The following LUZP2 variants were observed in gnomAD, a reference collection of about 807,000 sequenced individuals.
The protein encoded by LUZP2 is leucine zipper protein 2.
LUZP2 carries 52 observed loss-of-function variants against 51.6 expected under a neutral mutation model. The observed-to-expected ratio is 1.01, with a 90% CI of 0.81 to 1.27. The LOEUF is 1.27. Among genes scored for constraint, LUZP2 ranks in the 50% most tolerant of loss-of-function variants. LUZP2 has a pLI of 0.00. For missense variants in LUZP2, 436 were observed against 395.4 expected, an observed-to-expected ratio of 1.10 and a Z score of -0.87; for synonymous variants, 154 against 137.3, an observed-to-expected ratio of 1.12 and a Z score of -0.85.
intron 9 of LUZP2, among the ~76,000 whole-genome samples, chr11:24,989,873 T>A (rs1856286929): frequency 6.6e-6 from 1 of 151,870 alleles, no homozygotes; most frequent in Non-Finnish European, 1.5e-5. Flanking sequence ...AATCAGGTTG[T>A]TTTTTTTCTA....
Position 24,639,715 on chromosome 11 carries a change from T to G in LUZP2, c.63-89454T>G, listed in dbSNP as rs148213561. Among the ~76,000 whole-genome samples the G allele has an allele frequency of 1.8e-3, 275 of 151,996 alleles. 3 individuals are homozygous for G. The highest frequency in any genetic ancestry group is 0.017 in the East Asian group (89 of 5,166). ...ACCCACCCACCTCAGCCTCCCAAAG[T>G]GCTGGGATTACAGGCGTGAGCCACT... On this transcript the variant is annotated intron_variant, in intron 1 of 11. Coordinates refer to ENST00000336930, the MANE Select transcript of LUZP2 (RefSeq NM_001009909.4).
intron 10 of LUZP2, among the ~76,000 whole-genome samples, chr11:25,076,650 G>A (rs556911565): frequency 5.0e-5 from 7 of 139,688 alleles, no homozygotes; most frequent in African/African-American, 1.6e-4. Flanking sequence ...AAGAGGGAAG[G>A]AAGGGAGGGA....
chr11:24,807,317 C>T (rs1849884482), intron 5 of LUZP2, among the ~76,000 whole-genome samples: 3 of 151,890 alleles, frequency 2.0e-5, no homozygotes, highest in Admixed American at 2.0e-4. Context: ...TACAAATTAG[C>T]CAGGCGTAGT....
chr11:24,896,295 C>T (rs182735339), intron 5 of LUZP2, among the ~76,000 whole-genome samples: 1,543 of 152,086 alleles, frequency 0.01, 29 homozygotes, highest in African/African-American at 0.035. Context: ...GAGGGAGAGG[C>T]GCCGCCAGAA....
At chr11:25,017,976 C>T (rs1227309575) in intron 9 of LUZP2, among the ~76,000 whole-genome samples, 1 of 150,868 alleles carries the variant, frequency 6.6e-6, no homozygotes, top group Non-Finnish European at 1.5e-5. Flanking sequence ...TTGTAGTTCT[C>T]CTTGTAGAGA....
rs138668660 is a variant in LUZP2, at chr11:24,746,345, G to A, written c.333+8043G>A. ...TCACTGGATACAAAATTCTTAGCTG[G>A]TAATTGTTTTGTTTGAGAAAGCTGA... On this transcript the variant is annotated intron_variant, in intron 4 of 11. Transcript: ENST00000336930. Among the ~76,000 whole-genome samples, 346 of 152,232 alleles carry A rather than the reference G, an allele frequency of 2.3e-3. 3 individuals carry two copies. Among genetic ancestry groups the A allele is most frequent in the African/African-American group, 7.5e-3 (313 of 41,554 alleles).
At chr11:24,675,289 C>T (rs1441197690) in intron 1 of LUZP2, among the ~76,000 whole-genome samples, 1 of 152,094 alleles carries the variant, frequency 6.6e-6, no homozygotes, top group East Asian at 1.9e-4. Flanking sequence ...CTGAACTTTG[C>T]AGTAGGATGC....
At chr11:24,595,201 G>A (rs1439375873) in intron 1 of LUZP2, among the ~76,000 whole-genome samples, 1 of 142,322 alleles carries the variant, frequency 7.0e-6, no homozygotes, top group Non-Finnish European at 1.5e-5. Context: ...AAAAAGTGTA[G>A]GTCACAGTTT....
chr11:24,712,249 C>A (rs576788168), intron 1 of LUZP2, among the ~76,000 whole-genome samples: 1 of 151,900 alleles, frequency 6.6e-6, no homozygotes, highest in East Asian at 1.9e-4. Context: ...GGTGAGACCC[C>A]ATCTCTGTAA....
At chr11:24,874,454 C>A (rs1199447566) in intron 5 of LUZP2, among the ~76,000 whole-genome samples, 1 of 152,064 alleles carries the variant, frequency 6.6e-6, no homozygotes, top group Non-Finnish European at 1.5e-5. Context: ...ATGAGCCCAC[C>A]CATAACATGG....
intron 1 of LUZP2, among the ~76,000 whole-genome samples, chr11:24,636,821 TTAAAAA>T (rs1365108775): frequency 6.6e-6 from 1 of 151,760 alleles, no homozygotes; most frequent in Non-Finnish European, 1.5e-5. Context: ...TAAAGCAAGA[TTAAAAA>T]TAAAATTTTT....
At chr11:24,576,132 A>G (rs528798348) in intron 1 of LUZP2, among the ~76,000 whole-genome samples, 106 of 152,162 alleles carry the variant, frequency 7.0e-4, no homozygotes, top group Admixed American at 1.3e-3. Flanking sequence ...AAAAATGGAC[A>G]CCTGGCATGG....
intron 4 of LUZP2, among the ~76,000 whole-genome samples, chr11:24,740,848 G>A (rs1047207875): frequency 1.3e-5 from 2 of 152,134 alleles, no homozygotes; most frequent in South Asian, 4.2e-4. Context: ...TATGTCAATG[G>A]TACTAATGTA....
chr11:24,619,195 A>G (rs1854406401), intron 1 of LUZP2, among the ~76,000 whole-genome samples: 1 of 151,958 alleles, frequency 6.6e-6, no homozygotes, highest in Admixed American at 6.6e-5. Context: ...TGCCTGGCTA[A>G]TTATTTTTCT....
intron 5 of LUZP2, among the ~76,000 whole-genome samples, chr11:24,898,606 G>C (rs1853163738): frequency 6.7e-6 from 1 of 149,588 alleles, no homozygotes. Context: ...CTGTGCGACA[G>C]AGCAAGACTC....
intron 1 of LUZP2, among the ~76,000 whole-genome samples, chr11:24,591,701 T>C (rs970468886): frequency 2.6e-5 from 4 of 152,174 alleles, no homozygotes; most frequent in African/African-American, 9.6e-5. Context: ...GCAGAATTAC[T>C]GTTTTGCCAT....
intron 5 of LUZP2, among the ~76,000 whole-genome samples, chr11:24,846,782 A>G (rs957778440): frequency 2.1e-4 from 32 of 152,148 alleles, no homozygotes; most frequent in Admixed American, 2.1e-3. Context: ...TTGACAGTTC[A>G]TCACATCAGT....
chr11:24,852,769 A>G (rs1851436239), intron 5 of LUZP2, among the ~76,000 whole-genome samples: 1 of 152,154 alleles, frequency 6.6e-6, no homozygotes, highest in Non-Finnish European at 1.5e-5. Flanking sequence ...TATTGGGTGC[A>G]TATATATTTA....
At chr11:24,574,263 G>T (rs375840525) in intron 1 of LUZP2, among the ~76,000 whole-genome samples, 89 of 70,024 alleles carry the variant, frequency 1.3e-3, no homozygotes, top group African/African-American at 3.7e-3. Context: ...TTTCTTTCTT[G>T]CTTTCTTTCT....
Sources: allele counts gnomAD v4.1 joint callset (sites outside exome capture counted in the v4.1 genomes callset), GRCh38; gene constraint gnomAD v4.1.1; transcripts MANE v1.5; gene names NCBI Gene and HGNC (gene_info 2026-07-23, HGNC 2026-07-21).